The following MSH4 variants were observed in gnomAD, a reference collection of about 807,000 sequenced individuals.
The protein encoded by MSH4 is mutS protein homolog 4.
MSH4 carries 106 observed loss-of-function variants against 113.7 expected under a neutral mutation model. The ratio of observed to expected loss-of-function variants is 0.93; its 90% CI spans 0.80 to 1.10. The LOEUF is 1.10. Ranked by LOEUF, MSH4 falls within the 50% of genes least tolerant of loss-of-function variation. The pLI is 0.00. For synonymous variants in MSH4, 368 were observed against 380.2 expected (o/e 0.97, Z 0.37); for missense variants, 1,061 against 1,093.7 (o/e 0.97, Z 0.42).
chr1:75,840,428 C>A (rs1387578699), intron 7 of MSH4, among the ~76,000 whole-genome samples: 7 of 144,328 alleles, frequency 4.9e-5, no homozygotes, highest in Admixed American at 2.9e-4. Context: ...AACAAAAAAC[C>A]AAACACTGCA....
chr1:75,815,957 G>A (rs1036836348), intron 5 of MSH4, among the ~76,000 whole-genome samples: 1 of 151,424 alleles, frequency 6.6e-6, no homozygotes, highest in Non-Finnish European at 1.5e-5. Flanking sequence ...GCAGTGAGCC[G>A]AGATCACACC....
At chr1:75,847,006 C>T in intron 7 of MSH4, among the ~76,000 whole-genome samples, 1 of 152,106 alleles carries the variant, frequency 6.6e-6, no homozygotes, top group East Asian at 1.9e-4. Flanking sequence ...AGATCAAAGT[C>T]AAGTGGCTCA....
intron 19 of MSH4, among the ~76,000 whole-genome samples, chr1:75,909,934 G>A (rs1363890376): frequency 6.6e-6 from 1 of 151,858 alleles, no homozygotes; most frequent in African/African-American, 2.4e-5. Flanking sequence ...CTGACTTTCA[G>A]ACAGAAGGTT....
At chr1:75,904,212 A>T (rs1427485408) in intron 19 of MSH4, among the ~76,000 whole-genome samples, 1 of 152,136 alleles carries the variant, frequency 6.6e-6, no homozygotes, top group Non-Finnish European at 1.5e-5. Flanking sequence ...CCTGGGATGA[A>T]TTCCGTGTAA....
Position 75,831,573 on chromosome 1 carries a change from A to G in MSH4, c.1162+8992A>G, listed in dbSNP as rs571644640. ...CAGCAAATGTAAAAGAACACAAATT[A>G]TAACAAACTGTCTCTCAGACCACAG... is the stretch of plus-strand genomic sequence containing the variant. On this transcript the variant is annotated intron_variant, in intron 7 of 19. Transcript: ENST00000263187. 2.0e-5 allele frequency among the ~76,000 whole-genome samples: 3 copies of G among 152,344 alleles called. No homozygotes were observed. In the South Asian group the frequency reaches 6.2e-4, roughly 32 times the overall value.
intron 16 of MSH4, among the ~76,000 whole-genome samples, chr1:75,890,287 T>A (rs1245336953): frequency 6.6e-6 from 1 of 152,042 alleles, no homozygotes; most frequent in Admixed American, 6.5e-5. Flanking sequence ...CTTTACAGGG[T>A]ATAGAGTAAT....
chr1:75,843,681 C>T (rs1651017911), intron 7 of MSH4, among the ~76,000 whole-genome samples: 1 of 152,092 alleles, frequency 6.6e-6, no homozygotes, highest in South Asian at 2.1e-4. Context: ...ACAGTTTTAA[C>T]ATAATGAATT....
At chr1:75,865,997 C>CAT (rs1015697459) in intron 8 of MSH4, among the ~76,000 whole-genome samples, 2 of 152,074 alleles carry the variant, frequency 1.3e-5, no homozygotes, top group African/African-American at 4.8e-5. Flanking sequence ...ATCGAGTGCC[C>CAT]ATATATATGT....
intron 19 of MSH4, among the ~76,000 whole-genome samples, chr1:75,901,444 G>A (rs1394457546): frequency 6.6e-6 from 1 of 152,036 alleles, no homozygotes; most frequent in Non-Finnish European, 1.5e-5. Flanking sequence ...ATTTCATTTA[G>A]CATAGTGATT....
chr1:75,894,963 A>G (rs887498110), intron 17 of MSH4, among the ~76,000 whole-genome samples: 19 of 152,210 alleles, frequency 1.2e-4, no homozygotes. Flanking sequence ...CCAGCAATCA[A>G]GAAGTGGAAA....
At chr1:75,873,531 T>C (rs1258454016) in intron 9 of MSH4, among the ~76,000 whole-genome samples, 2 of 151,982 alleles carry the variant, frequency 1.3e-5, no homozygotes, top group African/African-American at 4.8e-5. Flanking sequence ...TAGTACCCAA[T>C]AGTTATTTTT....
intron 7 of MSH4, among the ~76,000 whole-genome samples, chr1:75,826,185 A>G (rs1008071649): frequency 2.6e-5 from 4 of 152,088 alleles, no homozygotes; most frequent in Non-Finnish European, 5.9e-5. Context: ...TTCCTGGTTT[A>G]GTCTTGGGAG....
chr1:75,874,104 A>C (rs1256607087), intron 9 of MSH4, among the ~76,000 whole-genome samples: 1 of 152,070 alleles, frequency 6.6e-6, no homozygotes, highest in African/African-American at 2.4e-5. Flanking sequence ...TGACTTTTTA[A>C]TAATAGCCAT....
chr1:75,910,819 T>A (rs1381210104), intron 19 of MSH4, among the ~76,000 whole-genome samples: 1 of 152,176 alleles, frequency 6.6e-6, no homozygotes, highest in African/African-American at 2.4e-5. Flanking sequence ...TCTTCACCTT[T>A]AAGTCTCCCA....
chr1:75,900,729 TC>T (rs1652489967), intron 19 of MSH4, among the ~76,000 whole-genome samples: 1 of 152,170 alleles, frequency 6.6e-6, no homozygotes. Flanking sequence ...CATTTTTAAT[TC>T]CTCTCTCCTT....
At chr1:75,858,671 T>C (rs1477154457) in intron 8 of MSH4, among the ~76,000 whole-genome samples, 2 of 152,212 alleles carry the variant, frequency 1.3e-5, no homozygotes, top group Non-Finnish European at 2.9e-5. Context: ...GGTTTGCCAG[T>C]ATTTTATTGC....
At chr1:75,875,141 G>A (rs1194130392) in intron 9 of MSH4, among the ~76,000 whole-genome samples, 2 of 152,174 alleles carry the variant, frequency 1.3e-5, no homozygotes, top group East Asian at 1.9e-4. Context: ...CAATTTGTCC[G>A]CCTTAGCCCC....
At position 75,797,342 on chromosome 1, in the gene MSH4, C is replaced by T. The variant is rs968353740; in HGVS notation, c.244+113C>T. 173 of 1,389,314 alleles carry T rather than the reference C, an allele frequency of 1.2e-4. 1 individual carries two copies. The East Asian group carries it at 2.6e-3, about 21-fold the overall frequency. 86.1% of individuals were successfully genotyped at this position (1,389,314 alleles called of 1,614,324 possible). A position where few individuals can be genotyped will look rare whatever the true frequency, so the allele number is the denominator to read the frequency against. On this transcript the variant is annotated intron_variant, in intron 1 of 19. Transcript: ENST00000263187. Reference sequence around the variant, plus strand: ...CAGTGAAGTTGTGATTTGGTTGGGGCGTGAGATCTGAGTGCCCTGGGAATT... The same window carrying T: ...CAGTGAAGTTGTGATTTGGTTGGGGTGTGAGATCTGAGTGCCCTGGGAATT...
intron 8 of MSH4, among the ~76,000 whole-genome samples, chr1:75,862,750 T>C (rs1229720335): frequency 6.6e-6 from 1 of 152,196 alleles, no homozygotes; most frequent in African/African-American, 2.4e-5. Flanking sequence ...AGACTTGTGC[T>C]GGTTAAACTG....
Sources: allele counts gnomAD v4.1 joint callset (sites outside exome capture counted in the v4.1 genomes callset), GRCh38; gene constraint gnomAD v4.1.1; transcripts MANE v1.5; gene names NCBI Gene and HGNC (gene_info 2026-07-23, HGNC 2026-07-21).